Variants in FAM53B observed in about 807,000 individuals in gnomAD.
The protein encoded by FAM53B is family with sequence similarity 53 member B, also known as protein FAM53B.
Under a neutral mutation model 32.7 loss-of-function variants are expected in FAM53B, and 12 were observed. The observed-to-expected ratio is 0.37, with a 90% CI of 0.24 to 0.59. The LOEUF (loss-of-function observed/expected upper bound fraction) is 0.59, where lower values mean the gene tolerates loss of function less well. Ranked by LOEUF, FAM53B falls within the 20% of genes least tolerant of loss-of-function variation. The probability of loss-of-function intolerance (pLI) is 0.72; values close to 1 mark genes in which losing one functional copy is unlikely to be tolerated. For missense variants in FAM53B, 477 were observed against 577.7 expected (o/e 0.83, Z 1.79); for synonymous variants, 234 against 228.7 (o/e 1.02, Z -0.21).
rs563767487 is a variant in FAM53B at position 124,623,012 on chromosome 10, G to A, written c.*230C>T. 19 of 546,592 alleles carry A rather than the reference G, an allele frequency of 3.5e-5. No homozygotes were observed. The African/African-American group carries it at 3.5e-4, about 10-fold the overall frequency. 33.9% of individuals were successfully genotyped at this position (546,592 alleles called of 1,614,324 possible). A position where few individuals can be genotyped will look rare whatever the true frequency, so the allele number is the denominator to read the frequency against. The stretch of plus-strand genomic sequence containing the variant: ...GGGCTGCAGTAGTTCTGTGGACCTG[G>A]TGGCTGCCACGCTCGGGGAGCCGGT... On this transcript the variant is annotated 3_prime_UTR_variant, in exon 5 of 5. Transcript: ENST00000337318.
At chr10:124,631,982 TAGGA>T (rs1949393991) in intron 4 of FAM53B, among the ~76,000 whole-genome samples, 1 of 151,902 alleles carries the variant, frequency 6.6e-6, no homozygotes, top group South Asian at 2.1e-4. Flanking sequence ...AGAGGGTAGG[TAGGA>T]AGGAAGGGCC....
intron 2 of FAM53B, among the ~76,000 whole-genome samples, 162 bp from the exon 3 acceptor site, chr10:124,696,374 C>A (rs114239281): frequency 1.3e-5 from 2 of 152,194 alleles, no homozygotes; most frequent in Non-Finnish European, 2.9e-5. Context: ...AACATCTGCA[C>A]AAAATTAGGC....
At position 124,619,368 on chromosome 10, in the gene FAM53B, G is replaced by A. The variant is rs1383916309; in HGVS notation, c.*3874C>T. 6.6e-6 allele frequency: 1 copy of A among 152,576 alleles called. No homozygotes were observed. The highest frequency in any genetic ancestry group is 1.9e-4 in the East Asian group (1 of 5,188). The allele number at this position is 152,576 out of a possible 1,614,324, so 9.5% of individuals were successfully genotyped here. A position where few individuals can be genotyped will look rare whatever the true frequency, so the allele number is the denominator to read the frequency against. ...TTCCTGAGAGACTAGAGCGGCTGGA[G>A]TGCAAGCCACAGCCTGTGCGGGGAG... On this transcript the variant is annotated 3_prime_UTR_variant, in exon 5 of 5. Transcript: ENST00000337318.
At chr10:124,652,808 C>A (rs1411121574) in intron 4 of FAM53B, among the ~76,000 whole-genome samples, 1 of 152,170 alleles carries the variant, frequency 6.6e-6, no homozygotes, top group Non-Finnish European at 1.5e-5. Context: ...AACGGCCGAG[C>A]AAACCACAGA....
At chr10:124,662,819 G>A (rs762501362) in intron 4 of FAM53B, among the ~76,000 whole-genome samples, 1 of 152,174 alleles carries the variant, frequency 6.6e-6, no homozygotes. Flanking sequence ...GCAAGATCCT[G>A]TCAATCAATC....
At chr10:124,626,889 T>G (rs903129176) in intron 4 of FAM53B, among the ~76,000 whole-genome samples, 2 of 152,198 alleles carry the variant, frequency 1.3e-5, no homozygotes, top group Non-Finnish European at 2.9e-5. Flanking sequence ...CCAGCCTGCC[T>G]GCCGAGTCAG....
chr10:124,733,892 A>G lies in FAM53B; in HGVS notation c.-175+10121T>C, dbSNP rs1370450816. Reference sequence around the variant, plus strand: ...AGCTCCGCTCCCCTCTGAAATCTACACTCGTCTCACTCAGGCTCCAGGTCT... The same window carrying G: ...AGCTCCGCTCCCCTCTGAAATCTACGCTCGTCTCACTCAGGCTCCAGGTCT... On this transcript the variant is annotated intron_variant, in intron 1 of 4. Transcript: ENST00000337318. This position sits in a 1 kb window ranked among gnomAD's most constrained non-coding sequence, Gnocchi z 4.3. 6.6e-6 allele frequency among the ~76,000 whole-genome samples: 1 copy of G among 151,788 alleles called. No individual in the cohort carries two copies. Among genetic ancestry groups the G allele is most frequent in the Non-Finnish European group, 1.5e-5 (1 of 67,906 alleles).
chr10:124,703,109 A>G (rs1409879540), intron 2 of FAM53B, among the ~76,000 whole-genome samples: 1 of 151,862 alleles, frequency 6.6e-6, no homozygotes, highest in Non-Finnish European at 1.5e-5. Context: ...TAGTGCTGTG[A>G]TATCGGCTCA....
At chr10:124,662,092 G>A (rs919850947) in intron 4 of FAM53B, among the ~76,000 whole-genome samples, 2 of 152,230 alleles carry the variant, frequency 1.3e-5, no homozygotes, top group East Asian at 3.8e-4. Flanking sequence ...CACCTGAGAT[G>A]GGAGGGGCCT....
chr10:124,712,794 G>A (rs1476065106), intron 1 of FAM53B, among the ~76,000 whole-genome samples: 1 of 152,178 alleles, frequency 6.6e-6, no homozygotes, highest in East Asian at 1.9e-4. Flanking sequence ...AACCCCAGGA[G>A]CCCCTACTCA....
Position 124,721,618 on chromosome 10 carries a change from G to A in FAM53B, c.-174-14731C>T, listed in dbSNP as rs534986901. 1.1e-3 allele frequency among the ~76,000 whole-genome samples: 171 copies of A among 152,368 alleles called. 1 individual carries two copies. Among genetic ancestry groups the A allele is most frequent in the South Asian group, 2.5e-3 (12 of 4,834 alleles). On this transcript the variant is annotated intron_variant, in intron 1 of 4. Coordinates refer to ENST00000337318, the MANE Select transcript of FAM53B (RefSeq NM_014661.4). ...GAGCTTACTTATGGGAGACAGTAAA[G>A]GAGTAAGACAGCTTCCTCAAGACTC... is the stretch of plus-strand genomic sequence containing the variant.
intron 4 of FAM53B, among the ~76,000 whole-genome samples, chr10:124,681,362 A>C (rs1370534290): frequency 6.6e-6 from 1 of 152,268 alleles, no homozygotes; most frequent in African/African-American, 2.4e-5. Context: ...CTCACCATCC[A>C]CCTGCCCTTG....
chr10:124,661,206 A>G (rs544978120), intron 4 of FAM53B, among the ~76,000 whole-genome samples: 98 of 152,282 alleles, frequency 6.4e-4, no homozygotes, highest in Non-Finnish European at 1.2e-3. Context: ...CCCCTGAATC[A>G]GGAGGTTCCA....
chr10:124,699,039 T>C (rs1949895140), intron 2 of FAM53B, among the ~76,000 whole-genome samples: 1 of 152,232 alleles, frequency 6.6e-6, no homozygotes, highest in Non-Finnish European at 1.5e-5. Flanking sequence ...CTTTGCACTG[T>C]TCCTGCCCTG....
chr10:124,676,948 C>T (rs984303311), intron 4 of FAM53B, among the ~76,000 whole-genome samples: 1 of 152,162 alleles, frequency 6.6e-6, no homozygotes, highest in Non-Finnish European at 1.5e-5. Context: ...AGTGTGTGGG[C>T]AGCCGCAATC....
intron 1 of FAM53B, among the ~76,000 whole-genome samples, chr10:124,728,572 A>G (rs1331780610): frequency 6.6e-6 from 1 of 152,194 alleles, no homozygotes; most frequent in Non-Finnish European, 1.5e-5. Context: ...GTCATCATGA[A>G]GAGAACAGCT....
chr10:124,723,905 C>T lies in FAM53B; in HGVS notation c.-174-17018G>A, dbSNP rs201667215. Reference sequence around the variant, plus strand: ...TATTTCTAGGTGACTGTAGTTGAACCGGCAAATCTCATGTACTCCCTGTGT... The same window carrying T: ...TATTTCTAGGTGACTGTAGTTGAACTGGCAAATCTCATGTACTCCCTGTGT... On this transcript the variant is annotated intron_variant, in intron 1 of 4. Coordinates refer to ENST00000337318, the MANE Select transcript of FAM53B (RefSeq NM_014661.4). Among the ~76,000 whole-genome samples, 5 of 152,192 alleles carry T rather than the reference C, an allele frequency of 3.3e-5. No individual in the cohort carries two copies. The East Asian group carries it at 7.7e-4, about 23-fold the overall frequency.
In FAM53B at chr10:124,681,955, G is replaced by A. The variant is rs1949775762; in HGVS notation, c.558C>T (p.Leu186=). The part of the protein sequence containing the change: ...VLSSPCDQAG[L]HHRFGGQPCQ... ...AGGGCTGCCCTCCAAATCGGTGGTG[G>A]AGTCCTGCCTGGTCGCAGGGTGAGG... Residue 186 remains leucine, a synonymous_variant, in exon 4 of 5, where the codon CTC becomes CTT. Coordinates refer to ENST00000337318, the MANE Select transcript of FAM53B (RefSeq NM_014661.4). 1 of 1,614,058 alleles carries A rather than the reference G, an allele frequency of 6.2e-7. No homozygotes were observed. The highest frequency in any genetic ancestry group is 8.5e-7 in the Non-Finnish European group (1 of 1,180,010).
intron 2 of FAM53B, among the ~76,000 whole-genome samples, chr10:124,704,900 G>A (rs1564883001): frequency 6.6e-6 from 1 of 152,220 alleles, no homozygotes; most frequent in Non-Finnish European, 1.5e-5. Context: ...AACCAGGGTG[G>A]TGGCAGCGGG....
Sources: allele counts gnomAD v4.1 joint callset (sites outside exome capture counted in the v4.1 genomes callset), GRCh38; gene constraint gnomAD v4.1.1; non-coding constraint Gnocchi (gnomAD v3.1); transcripts MANE v1.5; gene names NCBI Gene and HGNC (gene_info 2026-07-23, HGNC 2026-07-21).